The following NF2 variants were observed in gnomAD, a reference collection of about 807,000 sequenced individuals.
NF2 encodes merlin.
In NF2, 8 loss-of-function variants were observed where a neutral mutation model predicts 83.7. The observed-to-expected ratio is 0.10, with a 90% CI of 0.06 to 0.17. The LOEUF is 0.17. Ranked by LOEUF, NF2 falls within the 10% of genes least tolerant of loss-of-function variation. NF2 has a pLI of 1.00. For missense variants in NF2, 533 were observed against 744.4 expected, an observed-to-expected ratio of 0.72 and a Z score of 3.31; for synonymous variants, 266 against 269.6, an observed-to-expected ratio of 0.99 and a Z score of 0.13.
chr22:29,674,461 A>G (rs191197193), intron 12 of NF2, among the ~76,000 whole-genome samples: 108 of 152,344 alleles, frequency 7.1e-4, no homozygotes, highest in African/African-American at 2.2e-3. Context: ...TTGCGATCCA[A>G]TATAAGAACT....
intron 1 of NF2, among the ~76,000 whole-genome samples, chr22:29,622,561 T>G (rs2065239951): frequency 6.6e-6 from 1 of 152,124 alleles, no homozygotes; most frequent in South Asian, 2.1e-4. Context: ...TTTGAAAAGT[T>G]AGTTAACTGT....
At chr22:29,608,301 C>G (rs1264401986) in intron 1 of NF2, among the ~76,000 whole-genome samples, 6 of 145,182 alleles carry the variant, frequency 4.1e-5, no homozygotes, top group Non-Finnish European at 9.0e-5. Context: ...CTTTTTGAGA[C>G]AGAGTCTCGC....
chr22:29,610,981 C>G (rs1004842647), intron 1 of NF2, among the ~76,000 whole-genome samples: 2 of 152,098 alleles, frequency 1.3e-5, no homozygotes, highest in African/African-American at 4.8e-5. Context: ...CATAAACAAG[C>G]AGGATTTATT....
chr22:29,618,392 C>T lies in NF2; in HGVS notation c.114+14280C>T, dbSNP rs146223446. On this transcript the variant is annotated intron_variant, in intron 1 of 15. Transcript: ENST00000338641. Reference sequence around the variant, plus strand: ...TTCAAGAAGGACTCAATTTCAGAACCGGTGGCATTTAACATATGAGTCATG... The same window carrying T: ...TTCAAGAAGGACTCAATTTCAGAACTGGTGGCATTTAACATATGAGTCATG... 3.8e-3 allele frequency among the ~76,000 whole-genome samples: 580 copies of T among 152,188 alleles called. 4 individuals carry two copies. Among genetic ancestry groups the T allele is most frequent in the African/African-American group, 0.013 (554 of 41,518 alleles).
At chr22:29,637,036 A>G (rs371192704) in intron 2 of NF2, 160 bp downstream of exon 2, 1 of 1,068,014 alleles carries the variant, frequency 9.4e-7, no homozygotes, top group Non-Finnish European at 1.4e-6. Flanking sequence ...TAGAGATGCT[A>G]CCAGTTTCCT....
In NF2 at chr22:29,636,798, G is replaced by A. The variant is rs1369726524; in HGVS notation, c.162G>A (p.Leu54=). The part of the protein sequence containing the change: ...KDLFDLVCRT[L]GLRETWFFGL... ...TCTTTGATTTGGTGTGCCGGACTCT[G>A]GGGCTCCGAGAAACCTGGTTCTTTG... Residue 54 remains leucine, a synonymous_variant, in exon 2 of 16, where the codon CTG becomes CTA. Coordinates refer to ENST00000338641, the MANE Select transcript of NF2 (RefSeq NM_000268.4). The surrounding 1 kb of genome is among the most constrained non-coding windows in gnomAD (Gnocchi z 4.4). 4.3e-6 allele frequency: 7 copies of A among 1,614,078 alleles called. No homozygotes were observed. Among genetic ancestry groups the A allele is most frequent in the Non-Finnish European group, 5.9e-6 (7 of 1,180,034 alleles).
chr22:29,618,011 G>A (rs1333416463), intron 1 of NF2, among the ~76,000 whole-genome samples: 1 of 152,154 alleles, frequency 6.6e-6, no homozygotes, highest in Non-Finnish European at 1.5e-5. Context: ...ATAGTCCCTG[G>A]CAGAAAGGAA....
At chr22:29,661,540 T>C (rs1050565587) in intron 8 of NF2, among the ~76,000 whole-genome samples, 1 of 152,238 alleles carries the variant, frequency 6.6e-6, no homozygotes, top group African/African-American at 2.4e-5. Flanking sequence ...AATAGGAAAC[T>C]GGGAAGCTCA....
intron 4 of NF2, among the ~76,000 whole-genome samples, chr22:29,654,190 T>G (rs1434675016): frequency 1.3e-5 from 2 of 152,198 alleles, no homozygotes; most frequent in Non-Finnish European, 2.9e-5. Context: ...TTCAGAAACT[T>G]GGGTGAAAGG....
In NF2 at chr22:29,695,152, G is replaced by A; in HGVS notation, c.*350G>A. On this transcript the variant is annotated 3_prime_UTR_variant, in exon 16 of 16. Transcript: ENST00000338641. This position sits in a 1 kb window ranked among gnomAD's most constrained non-coding sequence, Gnocchi z 5.4. ...TGACCTCCACCGCCCAGCCTGGGAA[G>A]TCATTGTAGGGAGTGAGACACTGAA... The A allele has an allele frequency of 2.1e-6, 1 of 466,424 alleles. No individual in the cohort carries two copies. The highest frequency in any genetic ancestry group is 4.0e-6 in the Non-Finnish European group (1 of 251,740). The allele number at this position is 466,424 out of a possible 1,614,324, so 28.9% of individuals were successfully genotyped here.
intron 1 of NF2, chr22:29,608,961 C>A: frequency 1.6e-6 from 1 of 611,984 alleles, no homozygotes. Context: ...ATTTAGGGGC[C>A]CAGTGCCTCT....
chr22:29,603,674 C>A lies in NF2; in HGVS notation c.-325C>A. ...GCTGAGAGGCGCGCGGAGTCTGGGC[C>A]GCTGCCGTCTAGGGGTCCCGTCCCG... On this transcript the variant is annotated 5_prime_UTR_variant, in exon 1 of 16. Transcript: ENST00000338641. 1 of 416,166 alleles carries A rather than the reference C, an allele frequency of 2.4e-6. No individual in the cohort carries two copies. Among genetic ancestry groups the A allele is most frequent in the Non-Finnish European group, 4.2e-6 (1 of 236,554 alleles). 25.8% of individuals were successfully genotyped at this position (416,166 alleles called of 1,614,324 possible).
chr22:29,623,183 G>A (rs751526675), intron 1 of NF2, among the ~76,000 whole-genome samples: 73 of 151,978 alleles, frequency 4.8e-4, no homozygotes, highest in Middle Eastern at 3.4e-3. Context: ...GGGCTCAAGC[G>A]ATCCTTCCGC....
intron 1 of NF2, among the ~76,000 whole-genome samples, chr22:29,622,953 C>CTTTT (rs779748755): frequency 2.1e-5 from 2 of 94,714 alleles, no homozygotes; most frequent in African/African-American, 4.7e-5. Context: ...CGTGCCCGGC[C>CTTTT]TTTTTTTTTT....
At chr22:29,627,019 T>G (rs2065384473) in intron 1 of NF2, among the ~76,000 whole-genome samples, 5 of 152,184 alleles carry the variant, frequency 3.3e-5, no homozygotes, top group Admixed American at 3.3e-4. Flanking sequence ...AACTCATGAT[T>G]ATTAGGAGTA....
At chr22:29,669,287 G>T (rs2066714289) in intron 10 of NF2, among the ~76,000 whole-genome samples, 1 of 152,206 alleles carries the variant, frequency 6.6e-6, no homozygotes, top group Admixed American at 6.5e-5. Flanking sequence ...GATGCTTTCA[G>T]GGTGATGGGA....
At chr22:29,667,195 C>T (rs2066648360) in intron 9 of NF2, among the ~76,000 whole-genome samples, 1 of 151,838 alleles carries the variant, frequency 6.6e-6, no homozygotes, top group African/African-American at 2.4e-5. Context: ...AAATTTTTGC[C>T]AATCTTGTGC....
intron 1 of NF2, among the ~76,000 whole-genome samples, chr22:29,617,928 C>G (rs1185066301): frequency 6.6e-6 from 1 of 152,184 alleles, no homozygotes; most frequent in South Asian, 2.1e-4. Context: ...CTCTCTGGAC[C>G]TTATTTTCTC....
At chr22:29,616,560 TG>T (rs1323651584) in intron 1 of NF2, among the ~76,000 whole-genome samples, 3 of 152,078 alleles carry the variant, frequency 2.0e-5, no homozygotes, top group Non-Finnish European at 4.4e-5. Context: ...CTGGCCAATA[TG>T]TAAAACCCTG....
Sources: gnomAD v4.1 joint callset for allele counts (sites outside exome capture counted in the v4.1 genomes callset) on GRCh38, gnomAD v4.1.1 for gene constraint, Gnocchi (gnomAD v3.1) non-coding constraint, MANE v1.5 for transcripts, NCBI Gene and HGNC (gene_info 2026-07-23, HGNC 2026-07-21) for gene names.